The following NOS1AP variants were observed in gnomAD, a reference collection of about 807,000 sequenced individuals.
NOS1AP encodes the protein carboxyl-terminal PDZ ligand of neuronal nitric oxide synthase protein.
Under a neutral mutation model 56.2 loss-of-function variants are expected in NOS1AP, and 21 were observed. That is an observed-to-expected ratio of 0.37 (90% CI 0.26 to 0.54). The LOEUF is 0.54. Ranked by LOEUF, NOS1AP falls within the 20% of genes least tolerant of loss-of-function variation. The pLI, the probability that NOS1AP is intolerant of heterozygous loss-of-function variation, is 0.84. For synonymous variants in NOS1AP, 270 were observed against 274.6 expected, an observed-to-expected ratio of 0.98 and a Z score of 0.17; for missense variants, 522 against 657.8, an observed-to-expected ratio of 0.79 and a Z score of 2.26.
chr1:162,326,220 T>C (rs958651386), intron 4 of NOS1AP, among the ~76,000 whole-genome samples: 1 of 152,192 alleles, frequency 6.6e-6, no homozygotes, highest in Non-Finnish European at 1.5e-5. Flanking sequence ...GCGTGGCAGG[T>C]CCTGGGCTTG....
Position 162,288,798 on chromosome 1 carries a change from A to G in NOS1AP, c.270+1362A>G, listed in dbSNP as rs139680121. Among the ~76,000 whole-genome samples, 7 of 152,348 alleles carry G rather than the reference A, an allele frequency of 4.6e-5. No homozygotes were observed. The East Asian group carries it at 1.3e-3, about 29-fold the overall frequency. On this transcript the variant is annotated intron_variant, in intron 3 of 9. Coordinates refer to ENST00000361897, the MANE Select transcript of NOS1AP (RefSeq NM_014697.3). ...AGAACCACCTTCTTCAAAATTCACA[A>G]GTATAGGGAATTAAATATCTTTGGC... is the stretch of plus-strand genomic sequence containing the variant.
intron 2 of NOS1AP, among the ~76,000 whole-genome samples, chr1:162,195,894 C>T (rs2102160513): frequency 6.6e-6 from 1 of 152,296 alleles, no homozygotes; most frequent in South Asian, 2.1e-4. Context: ...GTCATAATAT[C>T]GTTGATTGTC....
intron 4 of NOS1AP, among the ~76,000 whole-genome samples, chr1:162,321,127 C>A (rs1656401032): frequency 6.6e-6 from 1 of 152,100 alleles, no homozygotes; most frequent in African/African-American, 2.4e-5. Flanking sequence ...AGGAAGGGAT[C>A]CAGTTTCAGC....
chr1:162,307,281 C>G lies in NOS1AP; in HGVS notation c.344+6575C>G, dbSNP rs141099505. On this transcript the variant is annotated intron_variant, in intron 4 of 9. Coordinates refer to ENST00000361897, the MANE Select transcript of NOS1AP (RefSeq NM_014697.3). ...AATTAACATGTTTGACTAAATTAGT[C>G]CCTAGGCTGTTTATGTTCCTTGAAA... Among the ~76,000 whole-genome samples the G allele has an allele frequency of 1.3e-3, 205 of 152,240 alleles. 2 individuals are homozygous for G. The highest frequency in any genetic ancestry group is 4.5e-3 in the African/African-American group (185 of 41,542).
At chr1:162,227,224 A>G (rs1379337832) in intron 2 of NOS1AP, among the ~76,000 whole-genome samples, 2 of 152,202 alleles carry the variant, frequency 1.3e-5, no homozygotes, top group Non-Finnish European at 2.9e-5. Flanking sequence ...CTATTTCTAT[A>G]TACAAAAACA....
At chr1:162,121,789 A>T (rs1648250050) in intron 1 of NOS1AP, among the ~76,000 whole-genome samples, 3 of 152,116 alleles carry the variant, frequency 2.0e-5, no homozygotes, top group Admixed American at 2.0e-4. Context: ...AATTATCTGG[A>T]TTGTCTCAGG....
chr1:162,345,300 T>A (rs1277231127), intron 6 of NOS1AP, among the ~76,000 whole-genome samples: 1 of 79,250 alleles, frequency 1.3e-5, no homozygotes, highest in Non-Finnish European at 2.4e-5. Flanking sequence ...AAGCTATCCC[T>A]CCCCCCTCCC....
chr1:162,310,787 C>T (rs535739752), intron 4 of NOS1AP, among the ~76,000 whole-genome samples: 8 of 152,290 alleles, frequency 5.3e-5, no homozygotes, highest in African/African-American at 1.9e-4. Flanking sequence ...TGTATACCCT[C>T]ACTTTCCATA....
chr1:162,100,485 T>C (rs1692359900), intron 1 of NOS1AP, among the ~76,000 whole-genome samples: 1 of 152,200 alleles, frequency 6.6e-6, no homozygotes, highest in Non-Finnish European at 1.5e-5. Context: ...GGGTTGTTTG[T>C]TTTTTTCTTG....
At chr1:162,250,764 T>C (rs554091546) in intron 2 of NOS1AP, among the ~76,000 whole-genome samples, 27 of 152,220 alleles carry the variant, frequency 1.8e-4, no homozygotes, top group Non-Finnish European at 3.8e-4. Context: ...CCCCCTGGCA[T>C]GCGAAGAGTG....
At chr1:162,195,034 G>C (rs1167779138) in intron 2 of NOS1AP, among the ~76,000 whole-genome samples, 1 of 152,154 alleles carries the variant, frequency 6.6e-6, no homozygotes, top group Non-Finnish European at 1.5e-5. Flanking sequence ...AAAAGCCAGA[G>C]ATGATGTTCT....
At chr1:162,085,813 A>G (rs924261610) in intron 1 of NOS1AP, among the ~76,000 whole-genome samples, 1 of 152,134 alleles carries the variant, frequency 6.6e-6, no homozygotes, top group Non-Finnish European at 1.5e-5. Flanking sequence ...TAGGCACATT[A>G]TATTATTAGG....
chr1:162,206,626 A>G (rs1389926596), intron 2 of NOS1AP, among the ~76,000 whole-genome samples: 2 of 152,254 alleles, frequency 1.3e-5, no homozygotes. Flanking sequence ...TTTGTATCAC[A>G]GGAATTTTTT....
At chr1:162,215,152 TG>T (rs1652522164) in intron 2 of NOS1AP, among the ~76,000 whole-genome samples, 1 of 152,160 alleles carries the variant, frequency 6.6e-6, no homozygotes, top group Non-Finnish European at 1.5e-5. Context: ...CTCAGGACCA[TG>T]AGATGCCTAG....
rs1657664902 is a variant in NOS1AP, at chr1:162,355,271, G to A, written c.680G>A (p.Gly227Glu). The change falls in exon 7 of 10, where the codon GGG becomes GAG. Residue 227 changes from glycine to glutamate, a missense_variant. Coordinates refer to ENST00000361897, the MANE Select transcript of NOS1AP (RefSeq NM_014697.3). The part of the protein sequence containing the change: ...DIDAVEVPLP[G>E]NDVLEFSRGV... ...GATGCGGTGGAGGTCCCACTTCCAG[G>A]GAATGATGTCCTGGAATTCAGCCGA... 1 of 1,614,154 alleles carries A rather than the reference G, an allele frequency of 6.2e-7. No homozygotes were observed. Among genetic ancestry groups the A allele is most frequent in the South Asian group, 1.1e-5 (1 of 91,074 alleles).
chr1:162,219,416 T>A (rs1395548790), intron 2 of NOS1AP, among the ~76,000 whole-genome samples: 1 of 152,146 alleles, frequency 6.6e-6, no homozygotes, highest in Admixed American at 6.5e-5. Context: ...TCCTTCTGCC[T>A]CTTTCTTTTT....
chr1:162,344,636 A>G (rs1323797128), intron 6 of NOS1AP, among the ~76,000 whole-genome samples: 1 of 151,738 alleles, frequency 6.6e-6, no homozygotes, highest in African/African-American at 2.4e-5. Context: ...GCTTCAACTC[A>G]GGAGGCGGAA....
chr1:162,334,950 C>A (rs186086083), intron 5 of NOS1AP, among the ~76,000 whole-genome samples: 162 of 152,256 alleles, frequency 1.1e-3, no homozygotes, highest in Non-Finnish European at 2.0e-3. Context: ...GTAAGAGGAC[C>A]ATTATGTTAT....
rs115602424 is a variant in NOS1AP at position 162,116,791 on chromosome 1, G to C, written c.106-37614G>C. 4.5e-3 allele frequency among the ~76,000 whole-genome samples: 689 copies of C among 152,238 alleles called. 5 individuals are homozygous for C. The highest frequency in any genetic ancestry group is 7.7e-3 in the Non-Finnish European group (521 of 68,016). ...ATGGGTGGGTGTCTTAGAAGTTACT[G>C]TGCACGTTATGAAGAGAACTTCACT... On this transcript the variant is annotated intron_variant, in intron 1 of 9. Coordinates refer to ENST00000361897, the MANE Select transcript of NOS1AP (RefSeq NM_014697.3).
Sources: allele counts gnomAD v4.1 joint callset (sites outside exome capture counted in the v4.1 genomes callset), GRCh38; gene constraint gnomAD v4.1.1; transcripts MANE v1.5; gene names NCBI Gene and HGNC (gene_info 2026-07-23, HGNC 2026-07-21).